Variants in EPHA3 observed in about 807,000 individuals in gnomAD.
The protein encoded by EPHA3 is EPH receptor A3, also known as ephrin type-A receptor 3.
EPHA3 carries 42 observed loss-of-function variants against 107.1 expected under a neutral mutation model. The ratio of observed to expected loss-of-function variants is 0.39; its 90% CI spans 0.31 to 0.51. EPHA3 has a LOEUF of 0.51. Among genes scored for constraint, EPHA3 ranks in the 20% least tolerant of loss-of-function variants. The pLI is 0.78. For missense variants in EPHA3, 1,183 were observed against 1,211.2 expected, an observed-to-expected ratio of 0.98 and a Z score of 0.35; for synonymous variants, 461 against 424.8, an observed-to-expected ratio of 1.09 and a Z score of -1.05.
intron 3 of EPHA3, among the ~76,000 whole-genome samples, chr3:89,211,437 T>G (rs2107185397): frequency 6.6e-6 from 1 of 152,206 alleles, no homozygotes; most frequent in South Asian, 2.1e-4. Context: ...AGAAGTTAAG[T>G]ATATTGTCCT....
intron 3 of EPHA3, among the ~76,000 whole-genome samples, chr3:89,238,013 C>A (rs1162291435): frequency 1.3e-5 from 2 of 150,408 alleles, no homozygotes; most frequent in East Asian, 2.0e-4. Context: ...ATGACTTTTA[C>A]ACTTAAAACC....
At chr3:89,354,726 C>T (rs1188142358) in intron 5 of EPHA3, among the ~76,000 whole-genome samples, 2 of 151,092 alleles carry the variant, frequency 1.3e-5, no homozygotes, top group Non-Finnish European at 3.0e-5. Context: ...TAGCACTGCA[C>T]TCCAGTCCTT....
chr3:89,138,042 G>A (rs1322230510), intron 2 of EPHA3, among the ~76,000 whole-genome samples: 10 of 151,854 alleles, frequency 6.6e-5, no homozygotes, highest in Admixed American at 1.3e-4. Context: ...TTAGAAGATC[G>A]TTATCTGATG....
At chr3:89,453,077 G>C (rs1372450343) in intron 15 of EPHA3, among the ~76,000 whole-genome samples, 1 of 152,036 alleles carries the variant, frequency 6.6e-6, no homozygotes, top group East Asian at 1.9e-4. Context: ...CACAGAGACT[G>C]TATAGACTCT....
chr3:89,240,621 G>A (rs1400143500), intron 3 of EPHA3, among the ~76,000 whole-genome samples: 6 of 151,836 alleles, frequency 4.0e-5, no homozygotes, highest in Non-Finnish European at 7.4e-5. Flanking sequence ...TATGCAGATA[G>A]TACCCATTCA....
intron 5 of EPHA3, among the ~76,000 whole-genome samples, chr3:89,385,993 G>A (rs150159833): frequency 2.8e-4 from 42 of 152,318 alleles, no homozygotes; most frequent in African/African-American, 8.7e-4. Flanking sequence ...GAGACTGGTG[G>A]CATTTTGCCC....
At chr3:89,422,529 A>G (rs1709371293) in intron 11 of EPHA3, among the ~76,000 whole-genome samples, 1 of 151,302 alleles carries the variant, frequency 6.6e-6, no homozygotes. Context: ...CACATAATTC[A>G]TTTCTTCGCT....
chr3:89,386,692 T>C (rs1460940171), intron 5 of EPHA3, among the ~76,000 whole-genome samples: 2 of 152,114 alleles, frequency 1.3e-5, no homozygotes, highest in Non-Finnish European at 2.9e-5. Context: ...GTGGATCCAC[T>C]GACAGCTTGC....
At chr3:89,271,267 A>G (rs1382128921) in intron 3 of EPHA3, among the ~76,000 whole-genome samples, 1 of 152,100 alleles carries the variant, frequency 6.6e-6, no homozygotes, top group African/African-American at 2.4e-5. Context: ...AAAAGCCGAA[A>G]AAAAGAAAAC....
chr3:89,142,534 G>A (rs1704453945), intron 2 of EPHA3, among the ~76,000 whole-genome samples: 1 of 151,428 alleles, frequency 6.6e-6, no homozygotes, highest in Non-Finnish European at 1.5e-5. Flanking sequence ...TTACAGCAAA[G>A]TAAAAGGATG....
In EPHA3 at chr3:89,472,528, T is replaced by A; in HGVS notation, c.2755T>A (p.Trp919Arg). Reference protein sequence around the residue: ...DITTFRTTGDWLNGVWTAHCK... With the variant: ...DITTFRTTGDRLNGVWTAHCK... Reference sequence around the variant, plus strand: ...CACTACCTTCCGCACAACAGGTGACTGGCTTAATGGTGTCTGGACAGCACA... The same window carrying A: ...CACTACCTTCCGCACAACAGGTGACAGGCTTAATGGTGTCTGGACAGCACA... Residue 919 changes from tryptophan (W) to arginine (R), a missense_variant, in exon 16 of 17, where the codon TGG becomes AGG. By Grantham distance (101) the Trp-to-Arg change is moderately radical (BLOSUM62 -3). Coordinates refer to ENST00000336596, the MANE Select transcript of EPHA3 (RefSeq NM_005233.6). 1 of 1,614,120 alleles carries A rather than the reference T, an allele frequency of 6.2e-7. No individual in the cohort carries two copies. Among genetic ancestry groups the A allele is most frequent in the Non-Finnish European group, 8.5e-7 (1 of 1,179,998 alleles).
At chr3:89,175,967 G>T (rs1705313112) in intron 2 of EPHA3, among the ~76,000 whole-genome samples, 1 of 152,034 alleles carries the variant, frequency 6.6e-6, no homozygotes, top group South Asian at 2.1e-4. Context: ...CCCAAGTGAT[G>T]CTATCTTGTG....
At chr3:89,165,554 C>CTA (rs1006333778) in intron 2 of EPHA3, among the ~76,000 whole-genome samples, 2 of 152,116 alleles carry the variant, frequency 1.3e-5, no homozygotes, top group Non-Finnish European at 2.9e-5. Context: ...CTTTCCATCT[C>CTA]CATATTGTAG....
At chr3:89,228,471 T>C (rs996804315) in intron 3 of EPHA3, among the ~76,000 whole-genome samples, 3 of 151,982 alleles carry the variant, frequency 2.0e-5, no homozygotes, top group Admixed American at 1.3e-4. Flanking sequence ...GGAATGAATA[T>C]GGAGAAGCAT....
intron 1 of EPHA3, among the ~76,000 whole-genome samples, chr3:89,116,885 AT>A (rs1240773493): frequency 2.6e-5 from 4 of 151,878 alleles, no homozygotes; most frequent in Non-Finnish European, 4.4e-5. Flanking sequence ...CTGTTATTTG[AT>A]TTTTTATATT....
chr3:89,128,140 T>C (rs1704131035), intron 2 of EPHA3, among the ~76,000 whole-genome samples: 1 of 152,160 alleles, frequency 6.6e-6, no homozygotes, highest in African/African-American at 2.4e-5. Flanking sequence ...TTCAAGAGAT[T>C]GTAATTACTT....
intron 5 of EPHA3, among the ~76,000 whole-genome samples, chr3:89,376,631 A>G (rs1708409995): frequency 1.3e-5 from 2 of 152,024 alleles, no homozygotes; most frequent in Admixed American, 6.6e-5. Context: ...AAAAATATAA[A>G]CAAAGTCTCC....
rs543623357 is a variant in EPHA3, at chr3:89,356,701, A to T, written c.1306+14611A>T. Reference sequence around the variant, plus strand: ...ATATATAATGTATGTATATCCATTGATTCTGTGCCATCACTGAGGTGCCCT... The same window carrying T: ...ATATATAATGTATGTATATCCATTGTTTCTGTGCCATCACTGAGGTGCCCT... On this transcript the variant is annotated intron_variant, in intron 5 of 16. Transcript: ENST00000336596. 1.5e-4 allele frequency among the ~76,000 whole-genome samples: 22 copies of T among 151,222 alleles called. 1 individual carries two copies. In the South Asian group the frequency reaches 3.1e-3, roughly 21 times the overall value.
At chr3:89,378,030 C>T (rs1708433907) in intron 5 of EPHA3, among the ~76,000 whole-genome samples, 1 of 152,064 alleles carries the variant, frequency 6.6e-6, no homozygotes, top group Non-Finnish European at 1.5e-5. Flanking sequence ...CCAAACACCG[C>T]ATGGTCTCAC....
Sources: allele counts gnomAD v4.1 joint callset (sites outside exome capture counted in the v4.1 genomes callset), GRCh38; gene constraint gnomAD v4.1.1; transcripts MANE v1.5; gene names NCBI Gene and HGNC (gene_info 2026-07-23, HGNC 2026-07-21).